SRD5A2: variants seen among roughly 807,000 people sequenced by gnomAD.
SRD5A2 encodes the protein 3-oxo-5-alpha-steroid 4-dehydrogenase 2.
SRD5A2 carries 30 observed loss-of-function variants against 27.4 expected under a neutral mutation model. That is an observed-to-expected ratio of 1.10 (90% CI 0.82 to 1.49). The LOEUF (loss-of-function observed/expected upper bound fraction) is 1.49, where lower values mean the gene tolerates loss of function less well. Among genes scored for constraint, SRD5A2 ranks in the 40% most tolerant of loss-of-function variants. SRD5A2 has a pLI of 0.00. For missense variants in SRD5A2, 348 were observed against 323.4 expected, an observed-to-expected ratio of 1.08 and a Z score of -0.58; for synonymous variants, 141 against 133.6, an observed-to-expected ratio of 1.06 and a Z score of -0.38.
chr2:31,660,713 A>C, the SRD5A2 span, among the ~76,000 whole-genome samples: 5 of 152,124 alleles, frequency 3.3e-5, no homozygotes, highest in Non-Finnish European at 5.9e-5. Context: ...AAAAATATGC[A>C]TATGTATGAG....
rs577592928 is a variant in SRD5A2 at position 31,580,542 on chromosome 2, C to A, written c.281+78G>T. 4.3e-6 allele frequency: 6 copies of A among 1,410,488 alleles called. No individual in the cohort carries two copies. The Admixed American group carries it at 1.1e-4, about 27-fold the overall frequency. The allele number at this position is 1,410,488 out of a possible 1,614,324, so 87.4% of individuals were successfully genotyped here. On this transcript the variant is annotated intron_variant, in intron 1 of 4. Coordinates refer to ENST00000622030, the MANE Select transcript of SRD5A2 (RefSeq NM_000348.4). The stretch of plus-strand genomic sequence containing the variant: ...GCTGCCTCCTTGGCGTTCCTCGGTG[C>A]GCGCTCCACGCTGCGCTCCTGGACG...
intron 1 of SRD5A2, among the ~76,000 whole-genome samples, chr2:31,579,438 A>G (rs999601940): frequency 6.6e-6 from 1 of 152,192 alleles, no homozygotes; most frequent in Non-Finnish European, 1.5e-5. Flanking sequence ...TACTCAAAAT[A>G]AGGCAAAACC....
At chr2:31,586,878 CTAAG>C in the SRD5A2 span, among the ~76,000 whole-genome samples, 1 of 152,104 alleles carries the variant, frequency 6.6e-6, no homozygotes, top group African/African-American at 2.4e-5. Context: ...ACCAAATGAA[CTAAG>C]TAAGGCACCA....
At chr2:31,643,731 G>A in the SRD5A2 span, among the ~76,000 whole-genome samples, 143 of 152,226 alleles carry the variant, frequency 9.4e-4, 1 homozygote, top group African/African-American at 3.0e-3. Context: ...AGAGTCTACC[G>A]CAGGTTAAAT....
intron 1 of SRD5A2, among the ~76,000 whole-genome samples, chr2:31,573,405 C>T (rs1349765042): frequency 6.6e-6 from 1 of 152,162 alleles, no homozygotes; most frequent in African/African-American, 2.4e-5. Flanking sequence ...GTTAAAGGCT[C>T]CTGGGTTGAG....
At chr2:31,590,170 C>T in the SRD5A2 span, among the ~76,000 whole-genome samples, 2 of 147,754 alleles carry the variant, frequency 1.4e-5, no homozygotes, top group Non-Finnish European at 3.0e-5. Context: ...CCACCCTGCG[C>T]TCAATGGTTT....
the SRD5A2 span, among the ~76,000 whole-genome samples, chr2:31,639,773 C>G: frequency 6.6e-6 from 1 of 151,980 alleles, no homozygotes; most frequent in Admixed American, 6.6e-5. Context: ...CTTTTAGAAT[C>G]TTCTCTTTGT....
chr2:31,586,135 G>C, the SRD5A2 span, among the ~76,000 whole-genome samples: 1 of 152,104 alleles, frequency 6.6e-6, no homozygotes, highest in East Asian at 1.9e-4. Flanking sequence ...TGAGATTTTG[G>C]TGCCCATCAC....
chr2:31,559,633 T>G (rs1198968005), intron 1 of SRD5A2, among the ~76,000 whole-genome samples: 1 of 152,050 alleles, frequency 6.6e-6, no homozygotes, highest in East Asian at 1.9e-4. Flanking sequence ...ATGTATAAAG[T>G]GCTGTAAGAT....
At chr2:31,603,149 A>T in the SRD5A2 span, among the ~76,000 whole-genome samples, 1 of 152,066 alleles carries the variant, frequency 6.6e-6, no homozygotes, top group Admixed American at 6.6e-5. Flanking sequence ...ATGGGAGAAA[A>T]TTTTTTCAAT....
chr2:31,629,070 C>T, the SRD5A2 span, among the ~76,000 whole-genome samples: 2 of 152,202 alleles, frequency 1.3e-5, no homozygotes, highest in Admixed American at 6.5e-5. Flanking sequence ...TAGGGTGGTG[C>T]TTGGCCAGTA....
At chr2:31,584,529 G>C (rs1170144181), upstream of SRD5A2, among the ~76,000 whole-genome samples, 1 of 152,136 alleles carries the variant, frequency 6.6e-6, no homozygotes, top group East Asian at 1.9e-4. Flanking sequence ...TCAGACATCA[G>C]CTGCAAGTTC....
intron 1 of SRD5A2, among the ~76,000 whole-genome samples, chr2:31,544,364 C>T (rs1666200722): frequency 6.6e-6 from 1 of 151,436 alleles, no homozygotes; most frequent in East Asian, 1.9e-4. Flanking sequence ...CAACTCTGAC[C>T]ACAACAGGAT....
upstream of SRD5A2, among the ~76,000 whole-genome samples, chr2:31,581,617 G>C (rs554464692): frequency 1.3e-5 from 2 of 152,292 alleles, no homozygotes; most frequent in East Asian, 3.9e-4. Context: ...CCGCCTGCCT[G>C]GGTCAGAGAG....
intron 1 of SRD5A2, among the ~76,000 whole-genome samples, chr2:31,535,185 C>G (rs1161918808): frequency 6.6e-6 from 1 of 152,112 alleles, no homozygotes; most frequent in Non-Finnish European, 1.5e-5. Context: ...CCATGCCCAG[C>G]TAATTTTTGT....
chr2:31,556,879 G>A lies in SRD5A2; in HGVS notation c.282-23113C>T, dbSNP rs191852047. On this transcript the variant is annotated intron_variant, in intron 1 of 4. Coordinates refer to ENST00000622030, the MANE Select transcript of SRD5A2 (RefSeq NM_000348.4). Reference sequence around the variant, plus strand: ...AGTAAGGGAAATGTCAGCAAAGGACGACAGACAACTAATATTTATATATTG... The same window carrying A: ...AGTAAGGGAAATGTCAGCAAAGGACAACAGACAACTAATATTTATATATTG... 2.9e-3 allele frequency among the ~76,000 whole-genome samples: 446 copies of A among 152,264 alleles called. 4 individuals carry two copies. The highest frequency in any genetic ancestry group is 3.7e-3 in the Non-Finnish European group (254 of 68,022).
the SRD5A2 span, among the ~76,000 whole-genome samples, chr2:31,658,369 C>T: frequency 2.6e-5 from 4 of 151,838 alleles, no homozygotes; most frequent in Non-Finnish European, 5.9e-5. Context: ...AAAGAAATAA[C>T]TAAAATCAGA....
intron 1 of SRD5A2, among the ~76,000 whole-genome samples, chr2:31,548,351 A>G (rs2148076796): frequency 6.6e-6 from 1 of 152,300 alleles, no homozygotes; most frequent in Non-Finnish European, 1.5e-5. Context: ...ATATCTGACA[A>G]GAGATTGACA....
At chr2:31,647,709 A>C in the SRD5A2 span, among the ~76,000 whole-genome samples, 6 of 152,340 alleles carry the variant, frequency 3.9e-5, no homozygotes, top group African/African-American at 1.4e-4. Flanking sequence ...TCCTTCCAGA[A>C]GTGCTCTGTA....
Sources: allele counts gnomAD v4.1 joint callset (sites outside exome capture counted in the v4.1 genomes callset), GRCh38; gene constraint gnomAD v4.1.1; transcripts MANE v1.5; gene names NCBI Gene and HGNC (gene_info 2026-07-23, HGNC 2026-07-21).